The following COL4A1 variants were observed in gnomAD, a reference collection of about 807,000 sequenced individuals.
COL4A1 encodes collagen alpha-1(IV) chain.
COL4A1 carries 40 observed loss-of-function variants against 216.6 expected under a neutral mutation model. The ratio of observed to expected loss-of-function variants is 0.18; its 90% CI spans 0.14 to 0.24. The LOEUF (loss-of-function observed/expected upper bound fraction) is 0.24, where lower values mean the gene tolerates loss of function less well. Ranked by LOEUF, COL4A1 falls within the 10% of genes least tolerant of loss-of-function variation. The pLI, the probability that COL4A1 is intolerant of heterozygous loss-of-function variation, is 1.00. For missense variants in COL4A1, 1,628 were observed against 2,196.8 expected (o/e 0.74, Z 5.18); for synonymous variants, 839 against 810.7 (o/e 1.03, Z -0.59).
At chr13:110,199,543 G>A (rs1338756014) in intron 20 of COL4A1, among the ~76,000 whole-genome samples, 1 of 152,216 alleles carries the variant, frequency 6.6e-6, no homozygotes, top group Non-Finnish European at 1.5e-5. Flanking sequence ...TGAATGAGGG[G>A]CAGCATGTCT....
Position 110,212,408 on chromosome 13 carries a change from T to C in COL4A1, c.387+9A>G. On this transcript the variant is annotated intron_variant, in intron 6 of 51. Transcript: ENST00000375820. ...CACACAAAAAGGAGGGTCTCGGTTC[T>C]GGATTTACCTTTGTGCCATTGCATC... The C allele has an allele frequency of 6.2e-7, 1 of 1,613,378 alleles. No homozygotes were observed. The highest frequency in any genetic ancestry group is 2.2e-5 in the East Asian group (1 of 44,880).
chr13:110,201,566 G>C (rs1209104414), intron 18 of COL4A1, 44 bp from the exon 19 acceptor site: 7 of 1,494,478 alleles, frequency 4.7e-6, no homozygotes, highest in Non-Finnish European at 6.5e-6. Context: ...GCATGGGAAT[G>C]GCTAGTCCTG....
At chr13:110,293,709 C>T (rs1884170383) in intron 1 of COL4A1, among the ~76,000 whole-genome samples, 2 of 152,192 alleles carry the variant, frequency 1.3e-5, no homozygotes, top group African/African-American at 4.8e-5. Flanking sequence ...AGGACCATTT[C>T]TAGAATTATT....
Position 110,175,041 on chromosome 13 carries a change from C to G in COL4A1, c.3198+177G>C, listed in dbSNP as rs1562174. Among the ~76,000 whole-genome samples, 51,651 of 152,056 alleles carry G rather than the reference C, an allele frequency of 0.34. 8,854 individuals are homozygous for G. The highest frequency in any genetic ancestry group is 0.37 in the Non-Finnish European group (25,104 of 67,962). ...TTAGCCTCTCACCAGTCTCTAGATT[C>G]TTCCTTGGGGGAGAGGTAGTGAATA... On this transcript the variant is annotated intron_variant, in intron 37 of 51. Coordinates refer to ENST00000375820, the MANE Select transcript of COL4A1 (RefSeq NM_001845.6).
intron 2 of COL4A1, among the ~76,000 whole-genome samples, chr13:110,239,168 ATTGATTAC>A (rs1881450657): frequency 6.6e-6 from 1 of 152,212 alleles, no homozygotes. Context: ...TCTAGTATTT[ATTGATTAC>A]TTGAAAACTA....
intron 2 of COL4A1, among the ~76,000 whole-genome samples, chr13:110,222,697 A>C (rs538620292): frequency 1.6e-4 from 21 of 131,088 alleles, no homozygotes; most frequent in South Asian, 5.3e-4. Context: ...GGCATGAACC[A>C]GGGAGGCAGA....
At chr13:110,255,941 A>G (rs571536567) in intron 1 of COL4A1, among the ~76,000 whole-genome samples, 1 of 150,122 alleles carries the variant, frequency 6.7e-6, no homozygotes, top group African/African-American at 2.5e-5. Context: ...GAGGCAGAGG[A>G]AAGAAAAGAC....
chr13:110,246,062 CT>C (rs1881794540), intron 1 of COL4A1, among the ~76,000 whole-genome samples: 1 of 151,456 alleles, frequency 6.6e-6, no homozygotes, highest in African/African-American at 2.4e-5. Context: ...TTAGGGTTAG[CT>C]TTTCAGAACA....
At chr13:110,233,112 AG>A (rs1881142015) in intron 2 of COL4A1, among the ~76,000 whole-genome samples, 1 of 152,166 alleles carries the variant, frequency 6.6e-6, no homozygotes, top group South Asian at 2.1e-4. Flanking sequence ...GGGCTTTTCT[AG>A]GGTACATTGT....
chr13:110,163,984 CTT>C lies in COL4A1; in HGVS notation c.4151-425_4151-424del, dbSNP rs58236306. ...GTTCTTCTTCTTTCTTTCTCTCTCT[CTT>C]TTTTTTTTTTTTTTTTTTTTGAGAC... On this transcript the variant is annotated intron_variant, in intron 46 of 51. Coordinates refer to ENST00000375820, the MANE Select transcript of COL4A1 (RefSeq NM_001845.6). Among the ~76,000 whole-genome samples, 277 of 110,238 alleles carry C rather than the reference CTT, an allele frequency of 2.5e-3. 4 individuals carry two copies. The East Asian group carries it at 0.072, about 29-fold the overall frequency. 72.3% of individuals were successfully genotyped at this position (110,238 alleles called of 152,430 possible).
At chr13:110,257,470 A>G (rs1010289386) in intron 1 of COL4A1, among the ~76,000 whole-genome samples, 12 of 152,268 alleles carry the variant, frequency 7.9e-5, no homozygotes, top group African/African-American at 2.9e-4. Context: ...GGACCTACCT[A>G]AAAGCACAAG....
chr13:110,253,820 T>G (rs1882386157), intron 1 of COL4A1, among the ~76,000 whole-genome samples: 1 of 143,912 alleles, frequency 6.9e-6, no homozygotes, highest in African/African-American at 2.5e-5. Flanking sequence ...ATTATACGTA[T>G]GTATGTATTA....
chr13:110,270,803 A>ATGGTCT (rs1883218658), intron 1 of COL4A1, among the ~76,000 whole-genome samples: 1 of 152,148 alleles, frequency 6.6e-6, no homozygotes, highest in Admixed American at 6.5e-5. Flanking sequence ...TCTAGAAGCA[A>ATGGTCT]AGACACCACA....
chr13:110,286,006 C>T (rs1375229449), intron 1 of COL4A1, among the ~76,000 whole-genome samples: 1 of 152,080 alleles, frequency 6.6e-6, no homozygotes, highest in Non-Finnish European at 1.5e-5. Flanking sequence ...TAATTTTTGC[C>T]CCAGATTCTC....
At chr13:110,278,720 T>C (rs1229135216) in intron 1 of COL4A1, among the ~76,000 whole-genome samples, 1 of 152,182 alleles carries the variant, frequency 6.6e-6, no homozygotes, top group Non-Finnish European at 1.5e-5. Context: ...TCCTCCTCTT[T>C]TATTTTCTAT....
rs1881561332 is a variant in COL4A1, at chr13:110,241,385, G to T, written c.144+1290C>A. Reference sequence around the variant, plus strand: ...GGAAAACAGAGGTAATCATGATCCAGGCCTTAATTCCTCTTTGTTGGGACC... The same window carrying T: ...GGAAAACAGAGGTAATCATGATCCATGCCTTAATTCCTCTTTGTTGGGACC... On this transcript the variant is annotated intron_variant, in intron 2 of 51. Coordinates refer to ENST00000375820, the MANE Select transcript of COL4A1 (RefSeq NM_001845.6). 2.6e-5 allele frequency among the ~76,000 whole-genome samples: 4 copies of T among 152,078 alleles called. No homozygotes were observed. The South Asian group carries it at 8.3e-4, about 32-fold the overall frequency.
chr13:110,285,118 A>C (rs775737027), intron 1 of COL4A1, among the ~76,000 whole-genome samples: 4 of 152,238 alleles, frequency 2.6e-5, no homozygotes, highest in Non-Finnish European at 2.9e-5. Context: ...TTTAAAATGT[A>C]ACCAATAGAT....
intron 2 of COL4A1, among the ~76,000 whole-genome samples, chr13:110,228,194 G>C (rs1292243575): frequency 7.0e-6 from 1 of 142,254 alleles, no homozygotes; most frequent in South Asian, 2.3e-4. Context: ...CTGACACCCC[G>C]CTATCAAGCA....
At chr13:110,297,605 A>C (rs950596732) in intron 1 of COL4A1, among the ~76,000 whole-genome samples, 1 of 152,228 alleles carries the variant, frequency 6.6e-6, no homozygotes, top group Non-Finnish European at 1.5e-5. Context: ...CCAGAGTCTG[A>C]AACTGATGCC....
Sources: gnomAD v4.1 joint callset for allele counts (sites outside exome capture counted in the v4.1 genomes callset) on GRCh38, gnomAD v4.1.1 for gene constraint, MANE v1.5 for transcripts, NCBI Gene and HGNC (gene_info 2026-07-23, HGNC 2026-07-21) for gene names.